Variants in LYVE1 observed in about 807,000 individuals in gnomAD.
LYVE1 encodes lymphatic vessel endothelial hyaluronan receptor 1, also known as lymphatic vessel endothelial hyaluronic acid receptor 1.
A neutral mutation model predicts 31.5 loss-of-function variants in LYVE1; 29 were observed. The ratio of observed to expected loss-of-function variants is 0.92; its 90% CI spans 0.69 to 1.26. LYVE1 has a LOEUF of 1.26. LYVE1 is among the 50% of genes most tolerant of loss of function. The pLI, the probability that LYVE1 is intolerant of heterozygous loss-of-function variation, is 0.00. For synonymous variants in LYVE1, 134 were observed against 139.4 expected, an observed-to-expected ratio of 0.96 and a Z score of 0.27; for missense variants, 376 against 380.2, an observed-to-expected ratio of 0.99 and a Z score of 0.09.
chr11:10,562,979 AGTCTCACTCT>A (rs1850461557), intron 3 of LYVE1, among the ~76,000 whole-genome samples: 1 of 96,880 alleles, frequency 1.0e-5, no homozygotes, highest in Middle Eastern at 0.013. Context: ...TTTGAGACGG[AGTCTCACTCT>A]GTCGCCCAGG....
At chr11:10,567,654 T>C (rs924531038) in intron 1 of LYVE1, among the ~76,000 whole-genome samples, 10 of 152,236 alleles carry the variant, frequency 6.6e-5, no homozygotes, top group Non-Finnish European at 1.5e-4. Flanking sequence ...CAATGAGTGA[T>C]TTGTGGTTAC....
chr11:10,560,468 C>T (rs372470832), intron 4 of LYVE1, 27 bp downstream of exon 4: 58 of 1,557,866 alleles, frequency 3.7e-5, no homozygotes, highest in Middle Eastern at 2.0e-4. Context: ...TACATACACA[C>T]GTAACATAGA....
At chr11:10,560,893 A>C (rs1263547272) in intron 3 of LYVE1, 93 bp from the exon 4 acceptor site, 2 of 1,002,628 alleles carry the variant, frequency 2.0e-6, no homozygotes, top group Non-Finnish European at 3.0e-6. Flanking sequence ...AACCCCTTAT[A>C]CCGCAGCTGG....
rs1490989973 is a variant in LYVE1, at chr11:10,563,928, G to A, written c.397+12C>T. ...GAGAATGCCACGTGGAAAGGTTGCA[G>A]ATCAGACTCACCAGATGAGTTGTAA... is the stretch of plus-strand genomic sequence containing the variant. On this transcript the variant is annotated intron_variant, in intron 3 of 5. Transcript: ENST00000256178. 2 of 1,614,110 alleles carry A rather than the reference G, an allele frequency of 1.2e-6. No homozygotes were observed. The highest frequency in any genetic ancestry group is 1.7e-6 in the Non-Finnish European group (2 of 1,180,004).
chr11:10,564,492 T>C (rs1850496920), intron 1 of LYVE1, 118 bp from the exon 2 acceptor site: 3 of 890,594 alleles, frequency 3.4e-6, no homozygotes, highest in East Asian at 2.6e-5. Context: ...TGGCTGGGAC[T>C]GGGGTTTAGA....
At position 10,559,194 on chromosome 11, in the gene LYVE1, C is replaced by G. The variant is rs535742623; in HGVS notation, c.886G>C (p.Glu296Gln). 1.9e-6 allele frequency: 3 copies of G among 1,614,024 alleles called. No individual in the cohort carries two copies. The Admixed American group carries it at 5.0e-5, about 27-fold the overall frequency. The part of the protein sequence containing the change: ...EKANDSNPNE[E>Q]SKKTDKNPEE... ...GGGTTTTTATCAGTTTTCTTTGATT[C>G]CTCATTAGGGTTGCTATCATTGGCC... is the stretch of plus-strand genomic sequence containing the variant. Residue 296 changes from glutamate to glutamine, a missense_variant, in exon 6 of 6, where the codon GAA becomes CAA. Physicochemically the swap from Glu to Gln is conservative, Grantham distance 29. Coordinates refer to ENST00000256178, the MANE Select transcript of LYVE1 (RefSeq NM_006691.4).
chr11:10,567,735 T>C (rs1850569692), intron 1 of LYVE1, among the ~76,000 whole-genome samples: 1 of 152,228 alleles, frequency 6.6e-6, no homozygotes, highest in Non-Finnish European at 1.5e-5. Flanking sequence ...TCACTTTAAG[T>C]CATTCCTTTA....
intron 4 of LYVE1, 61 bp from the exon 5 acceptor site, chr11:10,559,955 T>C: frequency 1.7e-6 from 2 of 1,206,300 alleles, no homozygotes; most frequent in Non-Finnish European, 2.5e-6. Context: ...GTAATGCTCA[T>C]TGCATGATCC....
At chr11:10,561,257 A>G (rs1850419142) in intron 3 of LYVE1, among the ~76,000 whole-genome samples, 1 of 152,202 alleles carries the variant, frequency 6.6e-6, no homozygotes. Flanking sequence ...TCCTTGTCAC[A>G]GTTCTCATTA....
intron 3 of LYVE1, among the ~76,000 whole-genome samples, chr11:10,561,554 T>TC (rs1036727195): frequency 4.6e-5 from 7 of 152,156 alleles, no homozygotes; most frequent in African/African-American, 1.7e-4. Flanking sequence ...TGCTTTCCAA[T>TC]CTGTTGCATG....
chr11:10,559,964 C>G lies in LYVE1; in HGVS notation c.704-70G>C, dbSNP rs1433492665. The stretch of plus-strand genomic sequence containing the variant: ...TTGTGTGTAATGCTCATTGCATGAT[C>G]CAGGTGATTGAGACAGTAGACAGTA... On this transcript the variant is annotated intron_variant, in intron 4 of 5. Coordinates refer to ENST00000256178, the MANE Select transcript of LYVE1 (RefSeq NM_006691.4). The G allele has an allele frequency of 2.6e-6, 3 of 1,138,310 alleles. No homozygotes were observed. The African/African-American group carries it at 4.6e-5, about 17-fold the overall frequency. The allele number at this position is 1,138,310 out of a possible 1,614,324, so 70.5% of individuals were successfully genotyped here.
At chr11:10,560,858 C>T in intron 3 of LYVE1, 58 bp from the exon 4 acceptor site, 3 of 1,404,592 alleles carry the variant, frequency 2.1e-6, no homozygotes, top group Admixed American at 3.7e-5. Context: ...AACTGTTCTT[C>T]TTGCCTCTAG....
At chr11:10,565,543 T>C (rs1850518846) in intron 1 of LYVE1, among the ~76,000 whole-genome samples, 2 of 152,252 alleles carry the variant, frequency 1.3e-5, no homozygotes, top group Admixed American at 6.5e-5. Flanking sequence ...TGATATCTAA[T>C]GGAAGTTTCT....
chr11:10,559,187 T>C lies in LYVE1; in HGVS notation c.893A>G (p.Lys298Arg), dbSNP rs1266120273. 1 of 1,614,162 alleles carries C rather than the reference T, an allele frequency of 6.2e-7. No individual in the cohort carries two copies. The change falls in exon 6 of 6, where the codon AAG (lysine) becomes AGG (arginine). Residue 298 changes from lysine to arginine, a missense_variant. Coordinates refer to ENST00000256178, the MANE Select transcript of LYVE1 (RefSeq NM_006691.4). ...ANDSNPNEESKKTDKNPEESK... is the reference protein window; with the variant it reads ...ANDSNPNEESRKTDKNPEESK... ...CTCTTCTGGGTTTTTATCAGTTTTCTTTGATTCCTCATTAGGGTTGCTATC... is the reference window on the plus strand; with the variant it reads ...CTCTTCTGGGTTTTTATCAGTTTTCCTTGATTCCTCATTAGGGTTGCTATC...
chr11:10,564,097 C>A lies in LYVE1; in HGVS notation c.258-18G>T. 1 of 1,614,182 alleles carries A rather than the reference C, an allele frequency of 6.2e-7. No homozygotes were observed. The highest frequency in any genetic ancestry group is 8.5e-7 in the Non-Finnish European group (1 of 1,180,032). ...AGCCATAGCTGTAAAAGAATACACA[C>A]TAGTTGAACAGAAAAATGATTAGAA... On this transcript the variant is annotated intron_variant, in intron 2 of 5. Coordinates refer to ENST00000256178, the MANE Select transcript of LYVE1 (RefSeq NM_006691.4).
intron 3 of LYVE1, 40 bp downstream of exon 3, chr11:10,563,900 C>T (rs756884679): frequency 1.2e-6 from 2 of 1,612,556 alleles, no homozygotes; most frequent in Admixed American, 3.3e-5. Context: ...TGAGAGATAC[C>T]CAGAGAATGC....
At chr11:10,564,477 C>T in intron 1 of LYVE1, 103 bp from the exon 2 acceptor site, 1 of 1,088,700 alleles carries the variant, frequency 9.2e-7, no homozygotes, top group Non-Finnish European at 1.3e-6. Flanking sequence ...GCAGGGAGGT[C>T]TATCTGGCTG....
At chr11:10,567,019 G>A (rs1340004821) in intron 1 of LYVE1, among the ~76,000 whole-genome samples, 2 of 152,186 alleles carry the variant, frequency 1.3e-5, no homozygotes, top group African/African-American at 2.4e-5. Context: ...ATGCTTAGGA[G>A]TTAGATATAA....
Position 10,564,070 on chromosome 11 carries a change from C to T in LYVE1, c.267G>A (p.Trp89Ter), listed in dbSNP as rs1305798671. 1 of 1,614,180 alleles carries T rather than the reference C, an allele frequency of 6.2e-7. No individual in the cohort carries two copies. Among genetic ancestry groups the T allele is most frequent in the Non-Finnish European group, 8.5e-7 (1 of 1,180,040 alleles). Reference sequence around the variant, plus strand: ...AGATGACCACGAATCCATCTCCAACCCAGCCATAGCTGTAAAAGAATACAC... The same window carrying T: ...AGATGACCACGAATCCATCTCCAACTCAGCCATAGCTGTAAAAGAATACAC... ...KASFETCSYG[W>*]VGDGFVVISR... The change falls in exon 3 of 6, where the codon TGG becomes TGA. Residue 89 changes from tryptophan (W) to a stop codon, truncating the protein, a stop_gained. Coordinates refer to ENST00000256178, the MANE Select transcript of LYVE1 (RefSeq NM_006691.4). LOFTEE classifies it high-confidence loss of function.
Sources: allele counts gnomAD v4.1 joint callset (sites outside exome capture counted in the v4.1 genomes callset), GRCh38; gene constraint gnomAD v4.1.1; transcripts MANE v1.5; gene names NCBI Gene and HGNC (gene_info 2026-07-23, HGNC 2026-07-21).